Variants in PLCXD3 observed in about 807,000 individuals in gnomAD.
PLCXD3 encodes phosphatidylinositol specific phospholipase C X domain containing 3, also known as PI-PLC X domain-containing protein 3.
A neutral mutation model predicts 25.5 loss-of-function variants in PLCXD3; 19 were observed. The observed-to-expected ratio is 0.75, with a 90% CI of 0.52 to 1.09. PLCXD3 has a LOEUF of 1.09. PLCXD3 is among the 50% of genes least tolerant of loss of function. PLCXD3 has a pLI of 0.00. For missense variants in PLCXD3, 411 were observed against 388.1 expected (o/e 1.06, Z -0.50); for synonymous variants, 174 against 137.6 (o/e 1.26, Z -1.85).
At chr5:41,370,872 A>G (rs914598958) in intron 2 of PLCXD3, among the ~76,000 whole-genome samples, 3 of 152,178 alleles carry the variant, frequency 2.0e-5, no homozygotes, top group Admixed American at 2.0e-4. Flanking sequence ...GACAAATGGA[A>G]TGTTCTCAAA....
At chr5:41,481,102 TA>T (rs554092157) in intron 1 of PLCXD3, among the ~76,000 whole-genome samples, 124 of 72,902 alleles carry the variant, frequency 1.7e-3, no homozygotes, top group South Asian at 4.9e-3. Flanking sequence ...ACCTAATTTG[TA>T]AAAAAAAAAA....
At chr5:41,479,404 T>G (rs1748347990) in intron 1 of PLCXD3, among the ~76,000 whole-genome samples, 1 of 152,062 alleles carries the variant, frequency 6.6e-6, no homozygotes, top group Non-Finnish European at 1.5e-5. Context: ...ATTCTTGAGA[T>G]AGAGAGTGGT....
chr5:41,407,498 C>CA (rs1258146463), intron 1 of PLCXD3, among the ~76,000 whole-genome samples: 2 of 152,132 alleles, frequency 1.3e-5, no homozygotes, highest in African/African-American at 4.8e-5. Context: ...CTTTTGGAGA[C>CA]AAAGACCAGC....
chr5:41,356,675 C>A (rs527566990), intron 2 of PLCXD3, among the ~76,000 whole-genome samples: 1 of 152,288 alleles, frequency 6.6e-6, no homozygotes, highest in East Asian at 1.9e-4. Context: ...CATATCTGAA[C>A]AAACCTTTTT....
At position 41,313,600 on chromosome 5, in the gene PLCXD3, A is replaced by G; in HGVS notation, c.*17T>C. ...GAGCTTTCTCCATCTTATTCATGGA[A>G]ACTCCAAGTAGTGCTATCAAGTGTT... On this transcript the variant is annotated 3_prime_UTR_variant, in exon 3 of 3. Transcript: ENST00000377801. 6.2e-7 allele frequency: 1 copy of G among 1,613,562 alleles called. No homozygotes were observed. Among genetic ancestry groups the G allele is most frequent in the Non-Finnish European group, 8.5e-7 (1 of 1,179,578 alleles).
At chr5:41,414,026 GT>G (rs1252755027) in intron 1 of PLCXD3, among the ~76,000 whole-genome samples, 1 of 151,998 alleles carries the variant, frequency 6.6e-6, no homozygotes, top group Non-Finnish European at 1.5e-5. Context: ...GGACTTTTGA[GT>G]TTTTTTAGAT....
intron 1 of PLCXD3, among the ~76,000 whole-genome samples, chr5:41,505,916 G>C (rs1269591462): frequency 2.6e-5 from 4 of 152,188 alleles, no homozygotes; most frequent in Admixed American, 2.6e-4. Context: ...TAGACTGCAT[G>C]GTGCAATAGA....
rs76688756 is a variant in PLCXD3, at chr5:41,510,563, T to C, written c.-37A>G. On this transcript the variant is annotated 5_prime_UTR_variant, in exon 1 of 3. Transcript: ENST00000377801. ...GCGTGCAGCGCGCTGGTCCCAGCAC[T>C]CCTCGGGCAGGCTGGCAGGCTGCTG... 1 of 1,554,534 alleles carries C rather than the reference T, an allele frequency of 6.4e-7. No homozygotes were observed. The highest frequency in any genetic ancestry group is 1.1e-5 in the South Asian group (1 of 88,416).
intron 1 of PLCXD3, among the ~76,000 whole-genome samples, chr5:41,432,282 AC>A (rs565636846): frequency 6.6e-5 from 10 of 152,212 alleles, no homozygotes; most frequent in Middle Eastern, 3.2e-3. Flanking sequence ...CAATTATCAT[AC>A]TTGTGCTAAT....
At chr5:41,418,147 G>A (rs1314936071) in intron 1 of PLCXD3, among the ~76,000 whole-genome samples, 1 of 152,124 alleles carries the variant, frequency 6.6e-6, no homozygotes, top group East Asian at 1.9e-4. Flanking sequence ...CAGTGATCTA[G>A]AAGCCAATGC....
chr5:41,322,487 A>C (rs1416390728), intron 2 of PLCXD3, among the ~76,000 whole-genome samples: 1 of 152,238 alleles, frequency 6.6e-6, no homozygotes, highest in African/African-American at 2.4e-5. Context: ...ACCACTATGG[A>C]GAACAGTTTG....
chr5:41,433,610 G>C (rs2150509444), intron 1 of PLCXD3, among the ~76,000 whole-genome samples: 1 of 152,268 alleles, frequency 6.6e-6, no homozygotes, highest in East Asian at 1.9e-4. Context: ...CAGGAGAAAT[G>C]AGACCTGAGC....
chr5:41,483,842 T>C (rs372160087), intron 1 of PLCXD3, among the ~76,000 whole-genome samples: 38 of 152,314 alleles, frequency 2.5e-4, no homozygotes, highest in African/African-American at 9.1e-4. Flanking sequence ...TCTATTTAGA[T>C]TTTGAATTGC....
chr5:41,336,974 A>C (rs1281929927), intron 2 of PLCXD3, among the ~76,000 whole-genome samples: 1 of 152,156 alleles, frequency 6.6e-6, no homozygotes, highest in African/African-American at 2.4e-5. Context: ...GATGGCAGGA[A>C]ATTCTGCGAT....
chr5:41,381,230 T>C (rs911530079), intron 2 of PLCXD3, among the ~76,000 whole-genome samples: 2 of 152,236 alleles, frequency 1.3e-5, no homozygotes, highest in Non-Finnish European at 2.9e-5. Context: ...TATAAAGCAC[T>C]ACACAAATGT....
intron 1 of PLCXD3, among the ~76,000 whole-genome samples, chr5:41,383,856 C>CT (rs1745557041): frequency 1.3e-5 from 1 of 78,136 alleles, no homozygotes; most frequent in African/African-American, 3.5e-5. Context: ...CTATTTGAAG[C>CT]ATTTTTTTCA....
chr5:41,490,147 G>T (rs1182175401), intron 1 of PLCXD3, among the ~76,000 whole-genome samples: 2 of 151,668 alleles, frequency 1.3e-5, no homozygotes, highest in African/African-American at 2.4e-5. Context: ...AGCATGAAGT[G>T]TTGTTGAATT....
intron 1 of PLCXD3, among the ~76,000 whole-genome samples, chr5:41,498,913 A>C (rs1452402768): frequency 6.6e-6 from 1 of 151,808 alleles, no homozygotes; most frequent in Non-Finnish European, 1.5e-5. Context: ...TAACATGATC[A>C]TATCAATAGA....
intron 2 of PLCXD3, among the ~76,000 whole-genome samples, chr5:41,315,126 G>T (rs1743251259): frequency 6.6e-6 from 1 of 152,164 alleles, no homozygotes; most frequent in African/African-American, 2.4e-5. Flanking sequence ...ACAGATACAG[G>T]TGATGTTAAT....
Sources: gnomAD v4.1 joint callset for allele counts (sites outside exome capture counted in the v4.1 genomes callset) on GRCh38, gnomAD v4.1.1 for gene constraint, MANE v1.5 for transcripts, NCBI Gene and HGNC (gene_info 2026-07-23, HGNC 2026-07-21) for gene names.